ANKRD17: variants seen among roughly 807,000 people sequenced by gnomAD.
ANKRD17 encodes ankyrin repeat domain-containing protein 17.
Under a neutral mutation model 229.7 loss-of-function variants are expected in ANKRD17, and 19 were observed. That is an observed-to-expected ratio of 0.08 (90% CI 0.06 to 0.12). The LOEUF (loss-of-function observed/expected upper bound fraction) is 0.12, where lower values mean the gene tolerates loss of function less well. ANKRD17 is among the 10% of genes least tolerant of loss of function. The probability of loss-of-function intolerance (pLI) is 1.00; values close to 1 mark genes in which losing one functional copy is unlikely to be tolerated. For missense variants in ANKRD17, 2,176 were observed against 3,176.8 expected (o/e 0.68, Z 7.57); for synonymous variants, 1,112 against 1,146.1 (o/e 0.97, Z 0.60).
intron 2 of ANKRD17, among the ~76,000 whole-genome samples, chr4:73,164,619 C>T (rs1351386115): frequency 6.6e-6 from 1 of 151,954 alleles, no homozygotes; most frequent in Non-Finnish European, 1.5e-5. Context: ...GGTGAAACCC[C>T]GTCTCTACTA....
chr4:73,220,170 T>G lies in ANKRD17; in HGVS notation c.393+38106A>C, dbSNP rs192166630. 3.3e-5 allele frequency among the ~76,000 whole-genome samples: 5 copies of G among 152,270 alleles called. No homozygotes were observed. The East Asian group carries it at 9.6e-4, about 29-fold the overall frequency. On this transcript the variant is annotated intron_variant, in intron 1 of 33. Transcript: ENST00000358602. ...TACACATAATTTTACAGGAAGGTCA[T>G]CAAAATTCTAAAATTATAATCATGT...
At chr4:73,175,647 A>T (rs1210034028) in intron 2 of ANKRD17, among the ~76,000 whole-genome samples, 2 of 152,220 alleles carry the variant, frequency 1.3e-5, no homozygotes, top group African/African-American at 4.8e-5. Flanking sequence ...CCAGGAATAA[A>T]TCCATACATC....
chr4:73,100,550 C>T (rs867976325), intron 25 of ANKRD17, among the ~76,000 whole-genome samples: 1 of 151,158 alleles, frequency 6.6e-6, no homozygotes, highest in Non-Finnish European at 1.5e-5. Context: ...CTGTATATTA[C>T]GTATTATTAT....
At chr4:73,131,978 C>T (rs1728261672) in intron 16 of ANKRD17, among the ~76,000 whole-genome samples, 1 of 152,050 alleles carries the variant, frequency 6.6e-6, no homozygotes, top group African/African-American at 2.4e-5. Flanking sequence ...AATCAAAGTA[C>T]CCACTATGTA....
chr4:73,147,149 G>A, intron 9 of ANKRD17, 92 bp downstream of exon 9: 4 of 1,214,912 alleles, frequency 3.3e-6, no homozygotes, highest in Non-Finnish European at 3.4e-6. Flanking sequence ...CACACATTCA[G>A]TGTATCATAG....
In ANKRD17 at chr4:73,173,596, G is replaced by A. The variant is rs536036693; in HGVS notation, c.547+3784C>T. 6.1e-4 allele frequency among the ~76,000 whole-genome samples: 93 copies of A among 152,260 alleles called. 1 individual carries two copies. The South Asian group carries it at 0.016, about 27-fold the overall frequency. ...GATTCTCTGAAAGAAGTGACACATC[G>A]CTGCAAATTCTGCAAGACAGTCAAA... On this transcript the variant is annotated intron_variant, in intron 2 of 33. Coordinates refer to ENST00000358602, the MANE Select transcript of ANKRD17 (RefSeq NM_032217.5).
rs571358816 is a variant in ANKRD17, at chr4:73,245,980, T to G, written c.393+12296A>C. 3.3e-5 allele frequency among the ~76,000 whole-genome samples: 5 copies of G among 152,320 alleles called. No homozygotes were observed. In the East Asian group the frequency reaches 7.7e-4, roughly 24 times the overall value. On this transcript the variant is annotated intron_variant, in intron 1 of 33. Coordinates refer to ENST00000358602, the MANE Select transcript of ANKRD17 (RefSeq NM_032217.5). ...GAACTTTAAGTAACCCTACCGGCCC[T>G]GCATCTATACCAACAGGTAGGGGGC... is the stretch of plus-strand genomic sequence containing the variant.
intron 2 of ANKRD17, among the ~76,000 whole-genome samples, chr4:73,175,724 A>C (rs1734648950): frequency 6.6e-6 from 1 of 152,190 alleles, no homozygotes; most frequent in Admixed American, 6.5e-5. Flanking sequence ...TCTCTTCAAT[A>C]AATGGTGCTG....
At chr4:73,170,330 G>A (rs1309799957) in intron 2 of ANKRD17, among the ~76,000 whole-genome samples, 6 of 152,036 alleles carry the variant, frequency 3.9e-5, no homozygotes, top group Non-Finnish European at 8.8e-5. Context: ...TGTGCCAGAA[G>A]GGAACCTGCT....
chr4:73,094,249 T>C (rs1459950993), intron 27 of ANKRD17, 21 bp from the exon 28 acceptor site: 5 of 1,592,248 alleles, frequency 3.1e-6, no homozygotes, highest in East Asian at 2.2e-5. Context: ...GTTGTATATA[T>C]AAATTAAGAT....
rs1722858625 is a variant in ANKRD17 at position 73,092,206 on chromosome 4, G to A, written c.5422C>T (p.Arg1808Cys). The A allele has an allele frequency of 1.9e-6, 3 of 1,613,990 alleles. No individual in the cohort carries two copies. Among genetic ancestry groups the A allele is most frequent in the South Asian group, 2.2e-5 (2 of 91,080 alleles). Residue 1808 changes from arginine to cysteine, a missense_variant, in exon 29 of 34, where the codon CGT (arginine) becomes TGT (cysteine). Arg to Cys is a radical substitution (Grantham distance 180). Coordinates refer to ENST00000358602, the MANE Select transcript of ANKRD17 (RefSeq NM_032217.5). ...KEIDELIPKN[R>C]LKSSSANSKI... Reference sequence around the variant, plus strand: ...GAATTTGCTGAGGAGCTTTTCAAACGATTCTTTGGAATAAGTTCATCAATT... The same window carrying A: ...GAATTTGCTGAGGAGCTTTTCAAACAATTCTTTGGAATAAGTTCATCAATT...
intron 30 of ANKRD17, 33 bp downstream of exon 30, chr4:73,085,216 G>C: frequency 6.3e-7 from 1 of 1,595,894 alleles, no homozygotes; most frequent in African/African-American, 1.3e-5. Flanking sequence ...AACATATGCA[G>C]ATTCTTATGG....
chr4:73,248,752 T>G (rs896005282), intron 1 of ANKRD17, among the ~76,000 whole-genome samples: 3 of 152,124 alleles, frequency 2.0e-5, no homozygotes, highest in Admixed American at 2.0e-4. Context: ...AGCTATAATT[T>G]TAAATATAAT....
At chr4:73,133,789 G>A (rs907209269) in intron 16 of ANKRD17, among the ~76,000 whole-genome samples, 7 of 152,150 alleles carry the variant, frequency 4.6e-5, no homozygotes, top group Admixed American at 6.5e-5. Flanking sequence ...TCAGGAGGCT[G>A]AGACAGGAGT....
chr4:73,211,533 T>C (rs756018605), intron 1 of ANKRD17, among the ~76,000 whole-genome samples: 3 of 152,154 alleles, frequency 2.0e-5, no homozygotes, highest in Admixed American at 6.5e-5. Flanking sequence ...TTAGTAGTTA[T>C]TGGAGCCACT....
At chr4:73,253,690 T>C (rs1325236530) in intron 1 of ANKRD17, among the ~76,000 whole-genome samples, 5 of 152,216 alleles carry the variant, frequency 3.3e-5, no homozygotes, top group Admixed American at 3.3e-4. Context: ...TATTCATTTT[T>C]ATTTACTCTT....
intron 2 of ANKRD17, among the ~76,000 whole-genome samples, chr4:73,173,148 C>T (rs562406530): frequency 1.4e-4 from 21 of 152,126 alleles, no homozygotes; most frequent in Admixed American, 3.9e-4. Context: ...ACCAAAAAAG[C>T]GCAAGAGTAG....
In ANKRD17 at chr4:73,074,998, A is replaced by AT. The variant is rs1448756201; in HGVS notation, c.*1232dup. The AT allele has an allele frequency of 2.6e-5, 4 of 152,440 alleles. No homozygotes were observed. The highest frequency in any genetic ancestry group is 5.9e-5 in the Non-Finnish European group (4 of 67,894). 9.4% of individuals were successfully genotyped at this position (152,440 alleles called of 1,614,324 possible). A position where few individuals can be genotyped will look rare whatever the true frequency, so the allele number is the denominator to read the frequency against. On this transcript the variant is annotated 3_prime_UTR_variant, in exon 34 of 34. Transcript: ENST00000358602. ...GGAGACTTTACACTGTAATCTGTGT[A>AT]TTTATCTGTCTACCATAAATTGTCT...
chr4:73,122,887 C>T (rs1411577351), intron 18 of ANKRD17, among the ~76,000 whole-genome samples: 1 of 152,072 alleles, frequency 6.6e-6, no homozygotes, highest in Admixed American at 6.6e-5. Context: ...TTATATTTCT[C>T]AATTCTTTCA....
Sources: gnomAD v4.1 joint callset for allele counts (sites outside exome capture counted in the v4.1 genomes callset) on GRCh38, gnomAD v4.1.1 for gene constraint, MANE v1.5 for transcripts, NCBI Gene and HGNC (gene_info 2026-07-23, HGNC 2026-07-21) for gene names.